Variants in CNTNAP3B observed in about 807,000 individuals in gnomAD.
CNTNAP3B encodes the protein contactin-associated protein-like 3B.
CNTNAP3B carries 25 observed loss-of-function variants against 108.9 expected under a neutral mutation model. The ratio of observed to expected loss-of-function variants is 0.23; its 90% CI spans 0.17 to 0.32. CNTNAP3B has a LOEUF of 0.32. Ranked by LOEUF, CNTNAP3B falls within the 10% of genes least tolerant of loss-of-function variation. CNTNAP3B has a pLI of 1.00. For missense variants in CNTNAP3B, 252 were observed against 1,210.4 expected (o/e 0.21, Z 11.75); for synonymous variants, 103 against 473.4 (o/e 0.22, Z 10.16).
At chr9:42,016,913 T>G (rs1248105721) in intron 3 of CNTNAP3B, among the ~76,000 whole-genome samples, 1 of 151,192 alleles carries the variant, frequency 6.6e-6, no homozygotes, top group African/African-American at 2.4e-5. Context: ...CCTCTGCAAT[T>G]TGTGTGTGTG....
At chr9:42,078,788 G>T (rs1191357628) in intron 2 of CNTNAP3B, among the ~76,000 whole-genome samples, 1 of 148,244 alleles carries the variant, frequency 6.7e-6, no homozygotes, top group Non-Finnish European at 1.5e-5. Context: ...CCCTGCCAGA[G>T]ACAGTGCACA....
chr9:42,070,580 C>G (rs1827352337), intron 3 of CNTNAP3B, among the ~76,000 whole-genome samples: 1 of 147,420 alleles, frequency 6.8e-6, no homozygotes, highest in Non-Finnish European at 1.5e-5. Context: ...TACTGTCAAC[C>G]AACTGTGTGT....
At chr9:42,114,961 G>A (rs566809218) in intron 1 of CNTNAP3B, among the ~76,000 whole-genome samples, 2 of 136,208 alleles carry the variant, frequency 1.5e-5, no homozygotes, top group East Asian at 4.5e-4. Context: ...GGCTGAGGCA[G>A]GAGAATCACT....
intron 14 of CNTNAP3B, among the ~76,000 whole-genome samples, chr9:41,931,101 T>C (rs1254041742): frequency 1.3e-5 from 2 of 152,416 alleles, no homozygotes; most frequent in South Asian, 2.1e-4. Flanking sequence ...TTCTTTTGTA[T>C]GCATTTGTGG....
At chr9:42,128,632 C>T (rs980450955) in intron 1 of CNTNAP3B, among the ~76,000 whole-genome samples, 1 of 114,374 alleles carries the variant, frequency 8.7e-6, no homozygotes, top group South Asian at 3.0e-4. Flanking sequence ...GTAATGTCTG[C>T]CAGTTTTTTC....
intron 1 of CNTNAP3B, among the ~76,000 whole-genome samples, chr9:42,118,356 G>A (rs771860815): frequency 7.2e-5 from 10 of 139,642 alleles, no homozygotes; most frequent in East Asian, 2.2e-4. Flanking sequence ...GCCCTGGGAC[G>A]CAAGGCTGGT....
At chr9:41,947,648 C>G (rs1824564697) in intron 13 of CNTNAP3B, among the ~76,000 whole-genome samples, 1 of 151,820 alleles carries the variant, frequency 6.6e-6, no homozygotes, top group Admixed American at 6.6e-5. Flanking sequence ...ACAAAATTAA[C>G]TCATACAAGC....
Position 41,938,366 on chromosome 9 carries a change from G to C in CNTNAP3B, c.2115C>G (p.Thr705=). The change falls in exon 14 of 24, where the codon ACC becomes ACG. Residue 705 remains threonine (T), a synonymous_variant. Coordinates refer to ENST00000377561, the MANE Select transcript of CNTNAP3B (RefSeq NM_001201380.3). Reference sequence around the variant, plus strand: ...CTCCCCAGGAAGTGTGTGTTTCATTGGTTCTTCCAACCCACCAGCTCAGTG... The same window carrying C: ...CTCCCCAGGAAGTGTGTGTTTCATTCGTTCTTCCAACCCACCAGCTCAGTG... ...GTPLSWWVGR[T]NETHTSWGGS... The C allele has an allele frequency of 6.3e-7, 1 of 1,586,282 alleles. No homozygotes were observed. The highest frequency in any genetic ancestry group is 2.0e-5 in the Admixed American group (1 of 50,328).
intron 1 of CNTNAP3B, among the ~76,000 whole-genome samples, chr9:42,105,438 CA>C (rs1828079710): frequency 1.1e-5 from 1 of 92,822 alleles, no homozygotes; most frequent in African/African-American, 4.1e-5. Flanking sequence ...CTTTCCAACC[CA>C]AGGACCCCTG....
intron 1 of CNTNAP3B, among the ~76,000 whole-genome samples, chr9:42,117,092 C>A (rs1314088752): frequency 7.2e-6 from 1 of 138,418 alleles, no homozygotes; most frequent in African/African-American, 2.9e-5. Flanking sequence ...TTTAACACAC[C>A]ACTGTCAACA....
intron 18 of CNTNAP3B, among the ~76,000 whole-genome samples, chr9:41,917,917 G>A (rs1361143214): frequency 1.3e-5 from 2 of 152,298 alleles, no homozygotes; most frequent in East Asian, 1.9e-4. Flanking sequence ...CTAGGGATGG[G>A]GAGGTGCAGG....
In CNTNAP3B at chr9:41,999,568, C is replaced by G. The variant is rs533842825; in HGVS notation, c.539-964G>C. 1.7e-3 allele frequency among the ~76,000 whole-genome samples: 218 copies of G among 125,148 alleles called. 46 individuals are homozygous for G. Among genetic ancestry groups the G allele is most frequent in the African/African-American group, 7.2e-3 (212 of 29,476 alleles). The allele number at this position is 125,148 out of a possible 152,430, so 82.1% of individuals were successfully genotyped here. A position where few individuals can be genotyped will look rare whatever the true frequency, so the allele number is the denominator to read the frequency against. On this transcript the variant is annotated intron_variant, in intron 4 of 23. Coordinates refer to ENST00000377561, the MANE Select transcript of CNTNAP3B (RefSeq NM_001201380.3). Reference sequence around the variant, plus strand: ...ACACATACACACACACACACACACACAGGCACACAGACATCCTATTGGTTC... The same window carrying G: ...ACACATACACACACACACACACACAGAGGCACACAGACATCCTATTGGTTC...
At position 41,964,634 on chromosome 9, in the gene CNTNAP3B, T is replaced by TG. The variant is rs1427419826; in HGVS notation, c.1659dup (p.Ser554GlnfsTer4). 1.3e-6 allele frequency: 2 copies of TG among 1,502,106 alleles called. No individual in the cohort carries two copies. Among genetic ancestry groups the TG allele is most frequent in the African/African-American group, 2.8e-5 (2 of 70,796 alleles). The allele number at this position is 1,502,106 out of a possible 1,614,324, so 93.0% of individuals were successfully genotyped here. A position where few individuals can be genotyped will look rare whatever the true frequency, so the allele number is the denominator to read the frequency against. On this transcript the variant is annotated frameshift_variant, in exon 11 of 24. Transcript: ENST00000377561. LOFTEE classifies it high-confidence loss of function. ...CACTCGCCCCCATGCTCACAGTAGC[T>TG]GGGCAAGCACCTAAAAGAAAACAGA...
chr9:42,080,239 T>A (rs1160551661), intron 2 of CNTNAP3B, among the ~76,000 whole-genome samples: 1 of 136,704 alleles, frequency 7.3e-6, no homozygotes, highest in Non-Finnish European at 1.6e-5. Context: ...ATGGTTGCAC[T>A]CCTGCTAACA....
Position 42,114,812 on chromosome 9 carries a change from C to A in CNTNAP3B, c.86-10073G>T, listed in dbSNP as rs1004227594. On this transcript the variant is annotated intron_variant, in intron 1 of 23. Coordinates refer to ENST00000377561, the MANE Select transcript of CNTNAP3B (RefSeq NM_001201380.3). ...AAAGAATATTTACAGTGAGACTGGG[C>A]GCAGTGGTCAAGATGGGTGGATCAC... Among the ~76,000 whole-genome samples the A allele has an allele frequency of 2.2e-5, 3 of 137,972 alleles. 1 individual carries two copies. Among genetic ancestry groups the A allele is most frequent in the African/African-American group, 8.7e-5 (3 of 34,544 alleles). 90.5% of individuals were successfully genotyped at this position (137,972 alleles called of 152,430 possible).
chr9:41,967,504 G>T (rs1258921386), intron 10 of CNTNAP3B, among the ~76,000 whole-genome samples: 2 of 152,254 alleles, frequency 1.3e-5, no homozygotes, highest in Non-Finnish European at 2.9e-5. Context: ...ATCTTTATTA[G>T]CAGCATGAGA....
Position 42,036,504 on chromosome 9 carries a change from C to T in CNTNAP3B, c.391-22979G>A, listed in dbSNP as rs746748029. Reference sequence around the variant, plus strand: ...GGCAGCAGCGAGACTAGGGGAGGAGCGCCCGCCATTGCTGAGGCTTGAGTA... The same window carrying T: ...GGCAGCAGCGAGACTAGGGGAGGAGTGCCCGCCATTGCTGAGGCTTGAGTA... On this transcript the variant is annotated intron_variant, in intron 3 of 23. Transcript: ENST00000377561. Among the ~76,000 whole-genome samples the T allele has an allele frequency of 9.3e-4, 128 of 137,254 alleles. 13 individuals carry two copies. The highest frequency in any genetic ancestry group is 4.4e-4 in the East Asian group (2 of 4,534). The allele number at this position is 137,254 out of a possible 152,430, so 90.0% of individuals were successfully genotyped here.
chr9:42,123,954 A>T (rs1450323364), intron 1 of CNTNAP3B, among the ~76,000 whole-genome samples: 1 of 124,868 alleles, frequency 8.0e-6, no homozygotes, highest in Non-Finnish European at 1.7e-5. Flanking sequence ...TGTGAATTAG[A>T]AGCAAGTAAT....
chr9:42,103,656 A>G lies in CNTNAP3B; in HGVS notation c.196+973T>C, dbSNP rs1440625444. Among the ~76,000 whole-genome samples the G allele has an allele frequency of 3.7e-4, 36 of 96,140 alleles. 7 individuals carry two copies. The highest frequency in any genetic ancestry group is 1.4e-3 in the African/African-American group (36 of 25,176). The allele number at this position is 96,140 out of a possible 152,430, so 63.1% of individuals were successfully genotyped here. On this transcript the variant is annotated intron_variant, in intron 2 of 23. Transcript: ENST00000377561. ...AGGCTGAGGCAGGAGAATTGTGTGAACCCAGGAGGCAGAGCTTGCAGTGAG... is the reference window on the plus strand; with the variant it reads ...AGGCTGAGGCAGGAGAATTGTGTGAGCCCAGGAGGCAGAGCTTGCAGTGAG...
Sources: allele counts gnomAD v4.1 joint callset (sites outside exome capture counted in the v4.1 genomes callset), GRCh38; gene constraint gnomAD v4.1.1; transcripts MANE v1.5; gene names NCBI Gene and HGNC (gene_info 2026-07-23, HGNC 2026-07-21).